The following RCOR1 variants were observed in gnomAD, a reference collection of about 807,000 sequenced individuals.
RCOR1 encodes the protein REST corepressor 1.
In RCOR1, 12 loss-of-function variants were observed where a neutral mutation model predicts 64.0. The observed-to-expected ratio is 0.19, with a 90% CI of 0.12 to 0.30. The LOEUF (loss-of-function observed/expected upper bound fraction) is 0.30. RCOR1 is among the 10% of genes least tolerant of loss of function. RCOR1 has a pLI of 1.00. For synonymous variants in RCOR1, 279 were observed against 227.2 expected (o/e 1.23, Z -2.05); for missense variants, 502 against 621.2 (o/e 0.81, Z 2.04).
At chr14:102,665,731 T>C (rs1894905856) in intron 2 of RCOR1, among the ~76,000 whole-genome samples, 1 of 152,214 alleles carries the variant, frequency 6.6e-6, no homozygotes. Context: ...AGTGTTAGGA[T>C]CTAAGTGCAA....
chr14:102,701,944 G>A (rs1293895620), intron 4 of RCOR1, among the ~76,000 whole-genome samples: 1 of 152,204 alleles, frequency 6.6e-6, no homozygotes, highest in African/African-American at 2.4e-5. Flanking sequence ...TGGGATTACA[G>A]GCGTGAGCCA....
intron 4 of RCOR1, among the ~76,000 whole-genome samples, chr14:102,703,896 T>C (rs989114779): frequency 6.6e-6 from 1 of 152,228 alleles, no homozygotes; most frequent in Non-Finnish European, 1.5e-5. Context: ...AACCCATTCT[T>C]CTTCACCTCC....
intron 2 of RCOR1, among the ~76,000 whole-genome samples, chr14:102,680,263 T>G (rs1895277562): frequency 6.6e-6 from 1 of 152,208 alleles, no homozygotes; most frequent in South Asian, 2.1e-4. Flanking sequence ...TTTATTCTGG[T>G]ACCATTTTGT....
intron 2 of RCOR1, among the ~76,000 whole-genome samples, chr14:102,654,969 G>A (rs1314304811): frequency 6.6e-6 from 1 of 151,442 alleles, no homozygotes; most frequent in Non-Finnish European, 1.5e-5. Context: ...ACACTAGCCT[G>A]GCTCACTTTA....
chr14:102,701,097 A>T (rs921824882), intron 3 of RCOR1, among the ~76,000 whole-genome samples, 181 bp from the exon 4 acceptor site: 20 of 152,212 alleles, frequency 1.3e-4, no homozygotes, highest in African/African-American at 4.6e-4. Context: ...AGTTACCTCC[A>T]GTTGGGTCCC....
chr14:102,677,114 G>A (rs1895188796), intron 2 of RCOR1, among the ~76,000 whole-genome samples: 1 of 131,780 alleles, frequency 7.6e-6, no homozygotes, highest in African/African-American at 3.0e-5. Context: ...GCCGGGCCGA[G>A]GAGCCCCTCA....
At chr14:102,671,973 T>C in intron 2 of RCOR1, among the ~76,000 whole-genome samples, 1 of 152,144 alleles carries the variant, frequency 6.6e-6, no homozygotes, top group East Asian at 1.9e-4. Context: ...TCACTTAGCA[T>C]AGTGTTTCAA....
In RCOR1 at chr14:102,592,762, C is replaced by A; in HGVS notation, c.-125C>A. 1.7e-6 allele frequency: 2 copies of A among 1,209,850 alleles called. No individual in the cohort carries two copies. The highest frequency in any genetic ancestry group is 2.1e-6 in the Non-Finnish European group (2 of 974,092). 74.9% of individuals were successfully genotyped at this position (1,209,850 alleles called of 1,614,324 possible). On this transcript the variant is annotated 5_prime_UTR_variant, in exon 1 of 12. Transcript: ENST00000262241. Reference sequence around the variant, plus strand: ...TTGGGCCTCCCCCGACTCGGACTCGCGCCCGTGGGCTCCCGCCGCGCCCGC... The same window carrying A: ...TTGGGCCTCCCCCGACTCGGACTCGAGCCCGTGGGCTCCCGCCGCGCCCGC...
At chr14:102,725,505 C>T (rs1445803749) in intron 11 of RCOR1, among the ~76,000 whole-genome samples, 3 of 152,188 alleles carry the variant, frequency 2.0e-5, no homozygotes, top group Non-Finnish European at 4.4e-5. Context: ...CTGGGTGCCA[C>T]AGCATGCCCT....
intron 2 of RCOR1, among the ~76,000 whole-genome samples, chr14:102,667,020 C>T (rs1019714366): frequency 5.9e-5 from 9 of 152,078 alleles, no homozygotes; most frequent in African/African-American, 1.4e-4. Context: ...GGACTTTTAA[C>T]GTGGAAAGTG....
chr14:102,596,462 C>T (rs775676592), intron 2 of RCOR1, among the ~76,000 whole-genome samples: 18 of 152,302 alleles, frequency 1.2e-4, no homozygotes, highest in African/African-American at 4.3e-4. Context: ...AAGACAGGTT[C>T]TTTCCATGAC....
At chr14:102,621,400 A>G (rs1464317352) in intron 2 of RCOR1, among the ~76,000 whole-genome samples, 1 of 116,256 alleles carries the variant, frequency 8.6e-6, no homozygotes, top group African/African-American at 3.3e-5. Flanking sequence ...TTTTGAGAAA[A>G]GGTCTTGCCC....
chr14:102,608,661 C>T (rs1267072299), intron 2 of RCOR1, among the ~76,000 whole-genome samples: 1 of 151,916 alleles, frequency 6.6e-6, no homozygotes, highest in Non-Finnish European at 1.5e-5. Context: ...TCTTGAGCTC[C>T]CGACCTCAGG....
intron 2 of RCOR1, among the ~76,000 whole-genome samples, chr14:102,677,379 G>T (rs1456532690): frequency 2.8e-5 from 4 of 142,128 alleles, no homozygotes; most frequent in African/African-American, 1.1e-4. Context: ...TGGCTGCCGG[G>T]CGGAGACGCT....
chr14:102,693,351 CAGT>C (rs1359581431), intron 3 of RCOR1, among the ~76,000 whole-genome samples: 6 of 151,338 alleles, frequency 4.0e-5, no homozygotes, highest in Admixed American at 3.9e-4. Flanking sequence ...ACCAGGCACA[CAGT>C]AGGCCTGAAA....
intron 2 of RCOR1, among the ~76,000 whole-genome samples, chr14:102,615,361 C>T (rs140731560): frequency 0.016 from 2,394 of 151,518 alleles, 20 homozygotes; most frequent in Non-Finnish European, 0.024. Flanking sequence ...CAGCTGGTCT[C>T]GAACCCCTGG....
intron 3 of RCOR1, among the ~76,000 whole-genome samples, chr14:102,691,680 C>T (rs1029889531): frequency 5.3e-5 from 8 of 152,148 alleles, no homozygotes; most frequent in African/African-American, 1.9e-4. Context: ...GCAAAACGTA[C>T]TAGAATAAAC....
chr14:102,628,780 C>T (rs1243829328), intron 2 of RCOR1, among the ~76,000 whole-genome samples: 1 of 152,218 alleles, frequency 6.6e-6, no homozygotes, highest in Non-Finnish European at 1.5e-5. Context: ...TCTCGAACTC[C>T]TGACCTCAAG....
At chr14:102,675,076 A>G (rs1329969799) in intron 2 of RCOR1, among the ~76,000 whole-genome samples, 4 of 150,056 alleles carry the variant, frequency 2.7e-5, no homozygotes, top group African/African-American at 9.8e-5. Context: ...AAAAAAGTCA[A>G]CTTTAAACAA....
Sources: allele counts gnomAD v4.1 joint callset (sites outside exome capture counted in the v4.1 genomes callset), GRCh38; gene constraint gnomAD v4.1.1; transcripts MANE v1.5; gene names NCBI Gene and HGNC (gene_info 2026-07-23, HGNC 2026-07-21).